The following CDH12 variants were observed in gnomAD, a reference collection of about 807,000 sequenced individuals.
CDH12 encodes the protein cadherin-12.
A neutral mutation model predicts 74.1 loss-of-function variants in CDH12; 41 were observed. The ratio of observed to expected loss-of-function variants is 0.55; its 90% confidence interval spans 0.43 to 0.72. CDH12 has a LOEUF of 0.72. CDH12 is among the 30% of genes least tolerant of loss of function. The pLI, the probability that CDH12 is intolerant of heterozygous loss-of-function variation, is 0.00. For missense variants in CDH12, 945 were observed against 977.2 expected (o/e 0.97, Z 0.44); for synonymous variants, 399 against 355.0 (o/e 1.12, Z -1.39).
intron 14 of CDH12, among the ~76,000 whole-genome samples, chr5:21,755,263 A>G (rs1224265965): frequency 6.6e-6 from 1 of 152,166 alleles, no homozygotes; most frequent in Non-Finnish European, 1.5e-5. Context: ...TTGTAAATGG[A>G]TATTTATTAA....
chr5:22,521,200 A>G (rs529390398), intron 1 of CDH12, among the ~76,000 whole-genome samples: 4 of 152,012 alleles, frequency 2.6e-5, no homozygotes, highest in Non-Finnish European at 5.9e-5. Flanking sequence ...TTAATGGGCA[A>G]TTGGATGGGG....
chr5:21,791,611 G>A (rs1214656549), intron 10 of CDH12, among the ~76,000 whole-genome samples: 4 of 150,000 alleles, frequency 2.7e-5, no homozygotes, highest in South Asian at 2.1e-4. Flanking sequence ...GTGAAAAAAC[G>A]ATTATATGAT....
At chr5:22,829,820 C>G (rs1206707973) in intron 1 of CDH12, among the ~76,000 whole-genome samples, 1 of 152,170 alleles carries the variant, frequency 6.6e-6, no homozygotes, top group Non-Finnish European at 1.5e-5. Context: ...AGTGGAACCA[C>G]AGTTAACTGG....
intron 1 of CDH12, among the ~76,000 whole-genome samples, chr5:22,582,084 A>T (rs1440400795): frequency 1.3e-5 from 2 of 152,086 alleles, no homozygotes; most frequent in Non-Finnish European, 2.9e-5. Flanking sequence ...TCTGGCCCCA[A>T]ATCAAATACC....
intron 3 of CDH12, among the ~76,000 whole-genome samples, chr5:22,265,267 T>C (rs766586505): frequency 6.6e-6 from 1 of 152,264 alleles, no homozygotes; most frequent in African/African-American, 2.4e-5. Context: ...AGCAGAAACA[T>C]GTACTACTTT....
rs1433990543 is a variant in CDH12, at chr5:22,189,106, T to C, written c.-187+23392A>G. Among the ~76,000 whole-genome samples the C allele has an allele frequency of 6.8e-5, 10 of 146,774 alleles. No individual in the cohort carries two copies. The East Asian group carries it at 2.0e-3, about 29-fold the overall frequency. Reference sequence around the variant, plus strand: ...TTCTATTATACTCAGAAGCAAGATGTATAGACATTTCCTGTAAATTAACAT... The same window carrying C: ...TTCTATTATACTCAGAAGCAAGATGCATAGACATTTCCTGTAAATTAACAT... On this transcript the variant is annotated intron_variant, in intron 4 of 14. Coordinates refer to ENST00000382254, the MANE Select transcript of CDH12 (RefSeq NM_004061.5).
intron 2 of CDH12, among the ~76,000 whole-genome samples, chr5:22,436,529 T>G (rs2126532423): frequency 6.6e-6 from 1 of 151,782 alleles, no homozygotes; most frequent in East Asian, 2.0e-4. Flanking sequence ...ATTTGAGTAA[T>G]AATAAAACTC....
chr5:22,077,615 A>G (rs1258167576), intron 5 of CDH12, among the ~76,000 whole-genome samples: 1 of 152,174 alleles, frequency 6.6e-6, no homozygotes, highest in Non-Finnish European at 1.5e-5. Context: ...AAATCAAAAT[A>G]AAATATAATA....
Position 21,833,302 on chromosome 5 carries a change from TA to T in CDH12, c.814+8858del, listed in dbSNP as rs1264272641. On this transcript the variant is annotated intron_variant, in intron 8 of 14. Coordinates refer to ENST00000382254, the MANE Select transcript of CDH12 (RefSeq NM_004061.5). ...ATGTTATATAACATATAATATATAT[TA>T]TATGTTATATGTTATATAATATATA... 8.4e-3 allele frequency among the ~76,000 whole-genome samples: 362 copies of T among 43,224 alleles called. 137 individuals carry two copies. The highest frequency in any genetic ancestry group is 0.028 in the African/African-American group (116 of 4,172). 28.4% of individuals were successfully genotyped at this position (43,224 alleles called of 152,430 possible). A position where few individuals can be genotyped will look rare whatever the true frequency, so the allele number is the denominator to read the frequency against.
intron 4 of CDH12, among the ~76,000 whole-genome samples, chr5:22,150,164 T>A (rs1380812498): frequency 6.6e-6 from 1 of 152,220 alleles, no homozygotes; most frequent in South Asian, 2.1e-4. Flanking sequence ...CAGGTATGAA[T>A]ATTCTGTAGA....
intron 8 of CDH12, among the ~76,000 whole-genome samples, chr5:21,838,933 T>C (rs961494729): frequency 6.6e-6 from 1 of 152,216 alleles, no homozygotes; most frequent in Non-Finnish European, 1.5e-5. Context: ...ATCCCTGATA[T>C]AGGAATCCTC....
intron 4 of CDH12, among the ~76,000 whole-genome samples, chr5:22,099,086 A>ATG: frequency 6.6e-6 from 1 of 152,112 alleles, no homozygotes; most frequent in South Asian, 2.1e-4. Flanking sequence ...AACATGCCCC[A>ATG]AGTCAGAAAA....
At chr5:22,500,352 T>G (rs2126654653) in intron 2 of CDH12, among the ~76,000 whole-genome samples, 1 of 152,306 alleles carries the variant, frequency 6.6e-6, no homozygotes, top group East Asian at 1.9e-4. Context: ...TAGAATTTTC[T>G]CATGACATTT....
At chr5:22,222,135 G>T (rs1752038783) in intron 3 of CDH12, among the ~76,000 whole-genome samples, 2 of 151,894 alleles carry the variant, frequency 1.3e-5, no homozygotes, top group South Asian at 4.1e-4. Context: ...ATTGAACAAA[G>T]TATTGGCTTT....
chr5:21,832,840 AATCATATGATATATGATATAT>A (rs1470349701), intron 8 of CDH12, among the ~76,000 whole-genome samples: 45 of 104,308 alleles, frequency 4.3e-4, no homozygotes, highest in East Asian at 1.5e-3. Context: ...TAATAATATA[AATCATATGATATATGATATAT>A]ATCATATGAT....
intron 6 of CDH12, among the ~76,000 whole-genome samples, chr5:21,958,564 C>T (rs576748538): frequency 6.4e-4 from 97 of 152,126 alleles, no homozygotes; most frequent in Middle Eastern, 3.4e-3. Flanking sequence ...TTTTCCCCAT[C>T]GCTCGTTTTT....
At chr5:22,805,322 C>T (rs1468431749) in intron 1 of CDH12, among the ~76,000 whole-genome samples, 1 of 151,908 alleles carries the variant, frequency 6.6e-6, no homozygotes, top group Non-Finnish European at 1.5e-5. Context: ...TGGCTGAACT[C>T]CACCACCAGA....
intron 6 of CDH12, among the ~76,000 whole-genome samples, chr5:21,928,753 A>G (rs1360018609): frequency 6.8e-6 from 1 of 147,992 alleles, no homozygotes; most frequent in Non-Finnish European, 1.5e-5. Context: ...TGAACTGAGT[A>G]ATGCTATCAG....
chr5:22,658,421 C>A (rs1055042623), intron 1 of CDH12, among the ~76,000 whole-genome samples: 5 of 152,070 alleles, frequency 3.3e-5, no homozygotes, highest in African/African-American at 1.2e-4. Flanking sequence ...TATATATTTT[C>A]TTCTATGCTA....
Sources: gnomAD v4.1 joint callset for allele counts (sites outside exome capture counted in the v4.1 genomes callset) on GRCh38, gnomAD v4.1.1 for gene constraint, MANE v1.5 for transcripts, NCBI Gene and HGNC (gene_info 2026-07-23, HGNC 2026-07-21) for gene names.